MALRD1: variants seen among roughly 807,000 people sequenced by gnomAD.
MALRD1 encodes MAM and LDL receptor class A domain containing 1, also known as MAM and LDL-receptor class A domain-containing protein 1.
MALRD1 carries 247 observed loss-of-function variants against 242.1 expected under a neutral mutation model. The ratio of observed to expected loss-of-function variants is 1.02; its 90% CI spans 0.92 to 1.13. The LOEUF (loss-of-function observed/expected upper bound fraction) is 1.13, where lower values mean the gene tolerates loss of function less well. MALRD1 is among the 50% of genes most tolerant of loss of function. MALRD1 has a pLI of 0.00. For missense variants in MALRD1, 2,989 were observed against 2,533.1 expected (o/e 1.18, Z -3.86); for synonymous variants, 995 against 866.6 (o/e 1.15, Z -2.60).
chr10:19,057,783 T>C (rs924858190), intron 1 of MALRD1, among the ~76,000 whole-genome samples: 1 of 152,004 alleles, frequency 6.6e-6, no homozygotes, highest in African/African-American at 2.4e-5. Context: ...GTCTTCGAAG[T>C]TTATCTAGGA....
chr10:19,201,683 A>G lies in MALRD1; in HGVS notation c.1952-2045A>G, dbSNP rs565815133. Among the ~76,000 whole-genome samples the G allele has an allele frequency of 2.6e-5, 4 of 152,356 alleles. No individual in the cohort carries two copies. The East Asian group carries it at 7.7e-4, about 29-fold the overall frequency. Reference sequence around the variant, plus strand: ...TGTGTTGTTTGCATATTATGTACTTATGGAGATAGCTTTTAATCCTGTGAA... The same window carrying G: ...TGTGTTGTTTGCATATTATGTACTTGTGGAGATAGCTTTTAATCCTGTGAA... On this transcript the variant is annotated intron_variant, in intron 14 of 39. Transcript: ENST00000454679.
intron 31 of MALRD1, among the ~76,000 whole-genome samples, chr10:19,525,083 T>A (rs1424233191): frequency 6.6e-6 from 1 of 151,686 alleles, no homozygotes; most frequent in East Asian, 1.9e-4. Context: ...TTTTTTTTTT[T>A]TTTGTATTTT....
chr10:19,680,805 T>C (rs1842336691), intron 36 of MALRD1, among the ~76,000 whole-genome samples: 1 of 152,162 alleles, frequency 6.6e-6, no homozygotes, highest in Non-Finnish European at 1.5e-5. Context: ...TAGTTCTTCC[T>C]TCAGGAGCAC....
rs1842649778 is a variant in MALRD1, at chr10:19,315,561, T to G, written c.3420-8388T>G. 6.2e-5 allele frequency among the ~76,000 whole-genome samples: 7 copies of G among 112,754 alleles called. No homozygotes were observed. The South Asian group carries it at 1.8e-3, about 30-fold the overall frequency. The allele number at this position is 112,754 out of a possible 152,430, so 74.0% of individuals were successfully genotyped here. A position where few individuals can be genotyped will look rare whatever the true frequency, so the allele number is the denominator to read the frequency against. ...AAATATATAAAAATATAAATATTAT[T>G]TATATAAATATATAAATTATAAATT... On this transcript the variant is annotated intron_variant, in intron 21 of 39. Transcript: ENST00000454679.
intron 36 of MALRD1, among the ~76,000 whole-genome samples, chr10:19,667,532 T>C (rs1366344498): frequency 6.6e-6 from 1 of 152,136 alleles, no homozygotes; most frequent in Non-Finnish European, 1.5e-5. Flanking sequence ...CTTGGTGCTG[T>C]CTTCACAATA....
intron 24 of MALRD1, among the ~76,000 whole-genome samples, chr10:19,343,980 T>C (rs1374739652): frequency 6.6e-6 from 1 of 152,170 alleles, no homozygotes; most frequent in Non-Finnish European, 1.5e-5. Context: ...GGCTGAAATA[T>C]CTCTTTTGCC....
intron 18 of MALRD1, among the ~76,000 whole-genome samples, chr10:19,253,548 C>T (rs1839384951): frequency 6.6e-6 from 1 of 151,912 alleles, no homozygotes; most frequent in Non-Finnish European, 1.5e-5. Flanking sequence ...TCAAGTCCTG[C>T]ACTGGAAACA....
chr10:19,224,624 G>A lies in MALRD1; in HGVS notation c.2991+14944G>A, dbSNP rs191243829. The stretch of plus-strand genomic sequence containing the variant: ...GCTTTTTTTCATATGTTTATTGGCC[G>A]CATAAATGTCTTCTTTTGAGAAGTG... On this transcript the variant is annotated intron_variant, in intron 18 of 39. Coordinates refer to ENST00000454679, the MANE Select transcript of MALRD1 (RefSeq NM_001142308.3). 4.8e-4 allele frequency among the ~76,000 whole-genome samples: 73 copies of A among 152,178 alleles called. 1 individual carries two copies. Among genetic ancestry groups the A allele is most frequent in the African/African-American group, 1.6e-3 (68 of 41,546 alleles).
At chr10:19,349,256 C>T (rs1207372588) in intron 25 of MALRD1, among the ~76,000 whole-genome samples, 2 of 152,210 alleles carry the variant, frequency 1.3e-5, no homozygotes, top group Non-Finnish European at 2.9e-5. Context: ...CCCCTGCGCC[C>T]AGCCCAACTT....
At chr10:19,691,536 C>G (rs770238445) in intron 36 of MALRD1, among the ~76,000 whole-genome samples, 2 of 152,026 alleles carry the variant, frequency 1.3e-5, no homozygotes, top group South Asian at 2.1e-4. Context: ...AATTTGTATC[C>G]TGTTACTGAT....
intron 38 of MALRD1, among the ~76,000 whole-genome samples, chr10:19,712,480 A>G (rs1218154875): frequency 6.6e-6 from 1 of 152,230 alleles, no homozygotes; most frequent in East Asian, 1.9e-4. Flanking sequence ...GATATGCAGG[A>G]GTCATAATGA....
chr10:19,152,260 A>G (rs1314290369), intron 11 of MALRD1, among the ~76,000 whole-genome samples: 1 of 152,204 alleles, frequency 6.6e-6, no homozygotes, highest in African/African-American at 2.4e-5. Context: ...TGATAGGAAG[A>G]TAAATCAAGG....
chr10:19,324,270 C>T (rs758087245), intron 22 of MALRD1, among the ~76,000 whole-genome samples, 165 bp downstream of exon 22: 30 of 152,150 alleles, frequency 2.0e-4, no homozygotes, highest in Non-Finnish European at 4.3e-4. Context: ...CAGAATTGGA[C>T]ATGAATAGCT....
chr10:19,300,832 T>G (rs187730693), intron 21 of MALRD1, among the ~76,000 whole-genome samples: 39 of 152,076 alleles, frequency 2.6e-4, no homozygotes, highest in African/African-American at 8.4e-4. Flanking sequence ...GCCAAAGCAA[T>G]GGTAACAAAA....
At chr10:19,099,778 T>C (rs368774486) in intron 4 of MALRD1, among the ~76,000 whole-genome samples, 66 of 143,820 alleles carry the variant, frequency 4.6e-4, no homozygotes, top group African/African-American at 1.6e-3. Flanking sequence ...TTTTAATTTT[T>C]TTTGCCAGAT....
chr10:19,205,591 G>T (rs964835717), intron 17 of MALRD1, among the ~76,000 whole-genome samples: 1 of 152,024 alleles, frequency 6.6e-6, no homozygotes, highest in Non-Finnish European at 1.5e-5. Flanking sequence ...GAGCGATGAA[G>T]AAGAGTGCTG....
At chr10:19,521,473 C>G (rs1833880590) in intron 31 of MALRD1, among the ~76,000 whole-genome samples, 1 of 152,036 alleles carries the variant, frequency 6.6e-6, no homozygotes, top group South Asian at 2.1e-4. Flanking sequence ...TATTAAATAA[C>G]CATTCCTCAT....
At chr10:19,375,195 C>A (rs747021408) in intron 26 of MALRD1, among the ~76,000 whole-genome samples, 5 of 152,132 alleles carry the variant, frequency 3.3e-5, no homozygotes, top group Non-Finnish European at 7.4e-5. Flanking sequence ...ATAAAATTTT[C>A]TTTTGATATA....
At chr10:19,145,736 AT>A (rs397744563) in intron 10 of MALRD1, among the ~76,000 whole-genome samples, 23 of 148,648 alleles carry the variant, frequency 1.5e-4, no homozygotes, top group Admixed American at 1.3e-4. Context: ...ATGGCTAGGT[AT>A]TTTTTTTTTG....
Sources: allele counts gnomAD v4.1 joint callset (sites outside exome capture counted in the v4.1 genomes callset), GRCh38; gene constraint gnomAD v4.1.1; transcripts MANE v1.5; gene names NCBI Gene and HGNC (gene_info 2026-07-23, HGNC 2026-07-21).